RNF182: variants seen among roughly 807,000 people sequenced by gnomAD.
RNF182 encodes ring finger protein 182, also known as E3 ubiquitin-protein ligase RNF182.
A neutral mutation model predicts 14.4 loss-of-function variants in RNF182; 15 were observed. That is an observed-to-expected ratio of 1.04 (90% confidence interval 0.70 to 1.60). RNF182 has a LOEUF of 1.60. RNF182 is among the 40% of genes most tolerant of loss of function. The pLI, the probability that RNF182 is intolerant of heterozygous loss-of-function variation, is 0.00. For missense variants in RNF182, 268 were observed against 294.8 expected, an observed-to-expected ratio of 0.91 and a Z score of 0.67; for synonymous variants, 128 against 122.9, an observed-to-expected ratio of 1.04 and a Z score of -0.27.
At chr6:13,942,868 C>T (rs184338614) in intron 1 of RNF182, among the ~76,000 whole-genome samples, 8 of 151,966 alleles carry the variant, frequency 5.3e-5, no homozygotes, top group South Asian at 4.2e-4. Context: ...TCTTCTGTTC[C>T]GTTCTTATTT....
At chr6:13,964,071 A>T (rs1759950923) in intron 1 of RNF182, among the ~76,000 whole-genome samples, 1 of 151,992 alleles carries the variant, frequency 6.6e-6, no homozygotes, top group Admixed American at 6.6e-5. Flanking sequence ...AAAAACACGA[A>T]TTTTTTAAAA....
chr6:13,933,932 C>T (rs1170171432), intron 1 of RNF182, among the ~76,000 whole-genome samples: 2 of 152,042 alleles, frequency 1.3e-5, no homozygotes, highest in African/African-American at 2.4e-5. Context: ...GCAGGAGAAT[C>T]GCTTGAACCT....
chr6:13,931,499 C>T (rs1480000875), intron 1 of RNF182, among the ~76,000 whole-genome samples: 2 of 152,098 alleles, frequency 1.3e-5, no homozygotes, highest in South Asian at 2.1e-4. Flanking sequence ...CATTCTCCTG[C>T]ATGACATGGG....
At chr6:13,961,473 A>T (rs1179524002) in intron 1 of RNF182, 1 of 152,210 alleles carries the variant, frequency 6.6e-6, no homozygotes, top group Non-Finnish European at 1.5e-5. Flanking sequence ...ATGTGCTTCC[A>T]TTGTAGACTG....
At chr6:13,949,372 A>G (rs1447639370) in intron 1 of RNF182, 3 of 760,082 alleles carry the variant, frequency 3.9e-6, no homozygotes, top group Non-Finnish European at 7.4e-6. Context: ...TGCCAGTCAG[A>G]TCTCTAACAT....
chr6:13,955,895 C>T (rs769632014), intron 1 of RNF182, among the ~76,000 whole-genome samples: 1 of 152,070 alleles, frequency 6.6e-6, no homozygotes, highest in African/African-American at 2.4e-5. Context: ...TCTATGCCCT[C>T]CCCATTTTCA....
At chr6:13,970,954 G>A (rs1367729115) in intron 1 of RNF182, among the ~76,000 whole-genome samples, 1 of 151,026 alleles carries the variant, frequency 6.6e-6, no homozygotes, top group Non-Finnish European at 1.5e-5. Context: ...CTTTTTTACT[G>A]TGAAAGATAA....
chr6:13,969,545 A>G (rs929188364), intron 1 of RNF182, among the ~76,000 whole-genome samples: 3 of 152,214 alleles, frequency 2.0e-5, no homozygotes, highest in Admixed American at 1.3e-4. Context: ...TAAAGGAGAA[A>G]AAAAGATCCT....
At chr6:13,974,976 G>A (rs1760287485) in intron 2 of RNF182, among the ~76,000 whole-genome samples, 1 of 152,206 alleles carries the variant, frequency 6.6e-6, no homozygotes, top group African/African-American at 2.4e-5. Flanking sequence ...ACATCTGGGT[G>A]GGCATGTAGC....
intron 1 of RNF182, among the ~76,000 whole-genome samples, chr6:13,961,132 G>A (rs953896606): frequency 3.9e-5 from 6 of 152,092 alleles, no homozygotes; most frequent in Middle Eastern, 3.2e-3. Flanking sequence ...ATCAGGTAGC[G>A]GAAGTTATTA....
intron 1 of RNF182, among the ~76,000 whole-genome samples, chr6:13,971,531 G>A (rs147000319): frequency 1.4e-4 from 22 of 152,276 alleles, no homozygotes; most frequent in Admixed American, 3.3e-4. Context: ...ACCTGAAAAC[G>A]TGGGAGCAAC....
chr6:13,946,056 C>T (rs1322517184), intron 1 of RNF182, among the ~76,000 whole-genome samples: 4 of 151,846 alleles, frequency 2.6e-5, no homozygotes, highest in Non-Finnish European at 5.9e-5. Flanking sequence ...GGGAGATGTG[C>T]TTTACTACAA....
At chr6:13,959,607 G>A (rs1437875670) in intron 1 of RNF182, among the ~76,000 whole-genome samples, 1 of 152,166 alleles carries the variant, frequency 6.6e-6, no homozygotes, top group Non-Finnish European at 1.5e-5. Context: ...TTGGAAGATT[G>A]GAAACATACT....
rs530422320 is a variant in RNF182, at chr6:13,932,838, C to G, written c.-367+7815C>G. Reference sequence around the variant, plus strand: ...TAAACTTTTCTAAAAAGTAATAATACAAGTCTGATTTTCCTCATCTCTATA... The same window carrying G: ...TAAACTTTTCTAAAAAGTAATAATAGAAGTCTGATTTTCCTCATCTCTATA... On this transcript the variant is annotated intron_variant, in intron 1 of 2. Transcript: ENST00000488300. Among the ~76,000 whole-genome samples the G allele has an allele frequency of 6.2e-4, 95 of 152,208 alleles. 1 individual carries two copies. The highest frequency in any genetic ancestry group is 9.8e-4 in the Admixed American group (15 of 15,282).
intron 1 of RNF182, among the ~76,000 whole-genome samples, chr6:13,960,477 A>G (rs1306879278): frequency 6.6e-6 from 1 of 152,216 alleles, no homozygotes; most frequent in Non-Finnish European, 1.5e-5. Flanking sequence ...CCCCGTCTTT[A>G]CAAAAAACAA....
chr6:13,968,396 A>G (rs1252645210), intron 1 of RNF182, among the ~76,000 whole-genome samples: 1 of 152,210 alleles, frequency 6.6e-6, no homozygotes, highest in African/African-American at 2.4e-5. Context: ...TAGGACAGTA[A>G]CCCTAAAAGA....
chr6:13,941,280 G>A (rs1759293071), intron 1 of RNF182, among the ~76,000 whole-genome samples: 4 of 151,916 alleles, frequency 2.6e-5, no homozygotes, highest in Non-Finnish European at 2.9e-5. Flanking sequence ...ATAATTCCTT[G>A]GTGTATTGGA....
At chr6:13,959,177 A>G (rs55985005) in intron 1 of RNF182, among the ~76,000 whole-genome samples, 52,593 of 152,052 alleles carry the variant, frequency 0.35, 9,493 homozygotes, top group East Asian at 0.44. Flanking sequence ...CCTTTATAGC[A>G]ACACAAAACA....
chr6:13,959,478 T>C (rs1429272962), intron 1 of RNF182, among the ~76,000 whole-genome samples: 1 of 152,232 alleles, frequency 6.6e-6, no homozygotes, highest in Non-Finnish European at 1.5e-5. Flanking sequence ...ACTTTGGTTA[T>C]TGCAATGAAA....
Sources: gnomAD v4.1 joint callset for allele counts (sites outside exome capture counted in the v4.1 genomes callset) on GRCh38, gnomAD v4.1.1 for gene constraint, MANE v1.5 for transcripts, NCBI Gene and HGNC (gene_info 2026-07-23, HGNC 2026-07-21) for gene names.